The following VANGL2 variants were observed in gnomAD, a reference collection of about 807,000 sequenced individuals.
The protein encoded by VANGL2 is VANGL planar cell polarity protein 2.
In VANGL2, 14 loss-of-function variants were observed where a neutral mutation model predicts 50.2. That is an observed-to-expected ratio of 0.28 (90% confidence interval 0.18 to 0.44). VANGL2 has a LOEUF of 0.44. Among genes scored for constraint, VANGL2 ranks in the 20% least tolerant of loss-of-function variants. The pLI, the probability that VANGL2 is intolerant of heterozygous loss-of-function variation, is 1.00. For missense variants in VANGL2, 533 were observed against 701.5 expected (o/e 0.76, Z 2.71); for synonymous variants, 295 against 297.2 (o/e 0.99, Z 0.08).
Position 160,420,472 on chromosome 1 carries a change from C to T in VANGL2, c.862C>T (p.Pro288Ser), listed in dbSNP as rs751396709. 9.3e-6 allele frequency: 15 copies of T among 1,614,082 alleles called. No homozygotes were observed. The highest frequency in any genetic ancestry group is 1.3e-5 in the Non-Finnish European group (15 of 1,180,026). The change falls in exon 5 of 8, where the codon CCT becomes TCT. Residue 288 changes from proline to serine, a missense_variant. Coordinates refer to ENST00000368061, the MANE Select transcript of VANGL2 (RefSeq NM_020335.3). ...KYYHDFPVYN[P>S]ALLNLPKSVL... ...TTACCATGACTTCCCTGTCTACAACCCTGCCCTCCTCAACCTGCCCAAGTC... is the reference window on the plus strand; with the variant it reads ...TTACCATGACTTCCCTGTCTACAACTCTGCCCTCCTCAACCTGCCCAAGTC...
intron 7 of VANGL2, 45 bp from the exon 8 acceptor site, chr1:160,425,073 G>A (rs749431500): frequency 6.2e-6 from 10 of 1,613,838 alleles, no homozygotes; most frequent in Middle Eastern, 1.7e-4. Context: ...AAGGACCGTG[G>A]GTAGATGACA....
chr1:160,406,026 A>G (rs1650648410), intron 1 of VANGL2, among the ~76,000 whole-genome samples: 1 of 152,184 alleles, frequency 6.6e-6, no homozygotes, highest in African/African-American at 2.4e-5. Context: ...GGGAACTAAC[A>G]TTTTTTTAAG....
intron 1 of VANGL2, among the ~76,000 whole-genome samples, chr1:160,405,551 C>G (rs1012696941): frequency 6.6e-6 from 1 of 151,216 alleles, no homozygotes; most frequent in African/African-American, 2.4e-5. Flanking sequence ...GACATAACAG[C>G]TGGGAACTGG....
intron 1 of VANGL2, among the ~76,000 whole-genome samples, chr1:160,413,854 T>C (rs1650968941): frequency 6.6e-6 from 1 of 152,200 alleles, no homozygotes. Context: ...CCTCCAAGTC[T>C]GGCTCGTCTG....
intron 1 of VANGL2, among the ~76,000 whole-genome samples, chr1:160,406,756 G>A (rs1346630501): frequency 6.7e-6 from 1 of 150,180 alleles, no homozygotes; most frequent in Non-Finnish European, 1.5e-5. Context: ...TTTTGAAACC[G>A]TTTCGCTCGT....
intron 1 of VANGL2, among the ~76,000 whole-genome samples, chr1:160,409,291 G>A (rs956866440): frequency 2.0e-5 from 3 of 152,204 alleles, no homozygotes; most frequent in African/African-American, 7.2e-5. Flanking sequence ...ATGGGCTGCC[G>A]TAGAAGTAGT....
At chr1:160,411,732 A>AG (rs1256820036) in intron 1 of VANGL2, among the ~76,000 whole-genome samples, 1 of 152,080 alleles carries the variant, frequency 6.6e-6, no homozygotes, top group Non-Finnish European at 1.5e-5. Flanking sequence ...GGAGGAAGAT[A>AG]GGGGGCACTA....
intron 6 of VANGL2, among the ~76,000 whole-genome samples, chr1:160,422,864 G>A (rs1271281745): frequency 6.6e-6 from 1 of 150,688 alleles, no homozygotes; most frequent in African/African-American, 2.4e-5. Flanking sequence ...TGTTAGTGTA[G>A]TGATCTTTGT....
intron 1 of VANGL2, among the ~76,000 whole-genome samples, chr1:160,414,822 C>A (rs190059463): frequency 1.1e-5 from 1 of 91,652 alleles, no homozygotes; most frequent in African/African-American, 4.5e-5. Context: ...GGGGTGGGGC[C>A]GGGCTCTGAA....
chr1:160,422,580 G>A (rs1202150632), intron 6 of VANGL2, among the ~76,000 whole-genome samples: 2 of 152,184 alleles, frequency 1.3e-5, no homozygotes, highest in African/African-American at 4.8e-5. Context: ...CTGCATAGAA[G>A]GCCTCACTTT....
chr1:160,420,507 C>G lies in VANGL2; in HGVS notation c.897C>G (p.Ala299=). 1 of 1,614,164 alleles carries G rather than the reference C, an allele frequency of 6.2e-7. No homozygotes were observed. The highest frequency in any genetic ancestry group is 2.2e-5 in the East Asian group (1 of 44,878). The change falls in exon 5 of 8, where the codon GCC becomes GCG. Residue 299 remains alanine (A), a synonymous_variant. Coordinates refer to ENST00000368061, the MANE Select transcript of VANGL2 (RefSeq NM_020335.3). The part of the protein sequence containing the change: ...ALLNLPKSVL[A]KKVSGFKVYS... ...TCAACCTGCCCAAGTCCGTCCTGGC[C>G]AAGAAAGTGTCTGGCTTCAAGGTGT...
chr1:160,404,493 C>T (rs1650585815), intron 1 of VANGL2, among the ~76,000 whole-genome samples: 1 of 152,154 alleles, frequency 6.6e-6, no homozygotes. Flanking sequence ...GTGCAACAAC[C>T]ACCTCTGTCT....
chr1:160,419,078 G>A lies in VANGL2; in HGVS notation c.269G>A (p.Arg90His), dbSNP rs759993919. ...AGCATCTCCCATGATGACCTCACAC[G>A]CATCGCCAAGGACATGGAGGACAGT... ...EHSISHDDLT[R>H]IAKDMEDSVP... The change falls in exon 4 of 8, where the codon CGC becomes CAC. Residue 90 changes from arginine to histidine, a missense_variant. Arg to His is a conservative substitution (Grantham distance 29). Coordinates refer to ENST00000368061, the MANE Select transcript of VANGL2 (RefSeq NM_020335.3). The surrounding 1 kb of genome is among the most constrained non-coding windows in gnomAD (Gnocchi z 5.8). 1.8e-5 allele frequency: 29 copies of A among 1,613,822 alleles called. No individual in the cohort carries two copies. The highest frequency in any genetic ancestry group is 2.2e-5 in the Non-Finnish European group (26 of 1,179,840).
chr1:160,415,948 G>C, intron 2 of VANGL2, 40 bp downstream of exon 2: 1 of 1,614,188 alleles, frequency 6.2e-7, no homozygotes. Context: ...GCGGAGGGAG[G>C]GTTGGGGGCT....
chr1:160,418,118 T>A (rs1651126731), intron 3 of VANGL2, among the ~76,000 whole-genome samples: 1 of 152,020 alleles, frequency 6.6e-6, no homozygotes. Context: ...ATGGGATTTC[T>A]CCATGTTGGT....
chr1:160,420,715 C>T (rs932779441), intron 5 of VANGL2, among the ~76,000 whole-genome samples, 168 bp downstream of exon 5: 3 of 152,218 alleles, frequency 2.0e-5, no homozygotes, highest in African/African-American at 7.2e-5. Context: ...CTTAGCTGCT[C>T]ATCCTACTTG....
At chr1:160,401,944 G>T (rs1162146209) in intron 1 of VANGL2, among the ~76,000 whole-genome samples, 2 of 152,106 alleles carry the variant, frequency 1.3e-5, no homozygotes, top group Non-Finnish European at 2.9e-5. Context: ...GTATGTTTCT[G>T]AGTGTGTGTC....
chr1:160,405,692 C>A (rs1208015706), intron 1 of VANGL2, among the ~76,000 whole-genome samples: 1 of 151,994 alleles, frequency 6.6e-6, no homozygotes, highest in Admixed American at 6.6e-5. Flanking sequence ...CCTTCCCCTG[C>A]CGCTCCACAC....
chr1:160,407,853 A>G (rs990793351), intron 1 of VANGL2, among the ~76,000 whole-genome samples: 1 of 152,200 alleles, frequency 6.6e-6, no homozygotes, highest in African/African-American at 2.4e-5. Context: ...GGGAGGAAGC[A>G]GCTCAAAGCC....
Sources: allele counts gnomAD v4.1 joint callset (sites outside exome capture counted in the v4.1 genomes callset), GRCh38; gene constraint gnomAD v4.1.1; non-coding constraint Gnocchi (gnomAD v3.1); transcripts MANE v1.5; gene names NCBI Gene and HGNC (gene_info 2026-07-23, HGNC 2026-07-21).